The following MCC variants were observed in gnomAD, a reference collection of about 807,000 sequenced individuals.
MCC encodes the protein MCC regulator of Wnt signaling pathway, also known as colorectal mutant cancer protein.
MCC carries 90 observed loss-of-function variants against 116.2 expected under a neutral mutation model. The observed-to-expected ratio is 0.77, with a 90% CI of 0.65 to 0.92. MCC has a LOEUF of 0.92. Among genes scored for constraint, MCC ranks in the 40% least tolerant of loss-of-function variants. MCC has a pLI of 0.00. For missense variants in MCC, 1,516 were observed against 1,312.2 expected, an observed-to-expected ratio of 1.16 and a Z score of -2.40; for synonymous variants, 578 against 510.5, an observed-to-expected ratio of 1.13 and a Z score of -1.78.
intron 2 of MCC, among the ~76,000 whole-genome samples, chr5:113,343,387 C>A (rs1768057690): frequency 6.6e-6 from 1 of 152,210 alleles, no homozygotes; most frequent in Non-Finnish European, 1.5e-5. Context: ...TATTGCAAGG[C>A]AGGTTCTTCT....
chr5:113,277,016 C>G (rs1765856220), intron 3 of MCC, among the ~76,000 whole-genome samples: 1 of 151,758 alleles, frequency 6.6e-6, no homozygotes, highest in African/African-American at 2.4e-5. Flanking sequence ...CTTTAAAACT[C>G]AAGTATGATC....
At chr5:113,340,831 C>T in intron 2 of MCC, 101 bp from the exon 3 acceptor site, 1 of 891,828 alleles carries the variant, frequency 1.1e-6, no homozygotes, top group Non-Finnish European at 1.7e-6. Flanking sequence ...CTTCCATGTG[C>T]CAGCATCTCA....
intron 14 of MCC, among the ~76,000 whole-genome samples, chr5:113,055,629 G>A (rs1752782201): frequency 6.6e-6 from 1 of 152,174 alleles, no homozygotes; most frequent in Non-Finnish European, 1.5e-5. Flanking sequence ...AGGACGGGTG[G>A]GAAGTCCCTT....
intron 2 of MCC, among the ~76,000 whole-genome samples, chr5:113,361,250 T>TC (rs1768540133): frequency 8.4e-6 from 1 of 118,950 alleles, no homozygotes; most frequent in Non-Finnish European, 1.7e-5. Flanking sequence ...ATCAATTTCA[T>TC]AAATCTTTAA....
chr5:113,458,355 T>C (rs6594720), intron 1 of MCC, among the ~76,000 whole-genome samples: 48,142 of 150,072 alleles, frequency 0.32, 9,520 homozygotes, highest in African/African-American at 0.55. Flanking sequence ...GTAACACTCA[T>C]GGCGAAGGTC....
intron 3 of MCC, among the ~76,000 whole-genome samples, chr5:113,175,608 C>A (rs1252940589): frequency 6.6e-6 from 1 of 151,926 alleles, no homozygotes; most frequent in Non-Finnish European, 1.5e-5. Flanking sequence ...ATGTATTTCA[C>A]TTTTGAAAGC....
chr5:113,225,345 T>G (rs1377411831), intron 3 of MCC, among the ~76,000 whole-genome samples: 1 of 152,224 alleles, frequency 6.6e-6, no homozygotes, highest in African/African-American at 2.4e-5. Context: ...AGTCATCACT[T>G]GAATTCTGCC....
At chr5:113,050,265 C>T (rs936373675) in intron 15 of MCC, among the ~76,000 whole-genome samples, 16 of 152,166 alleles carry the variant, frequency 1.1e-4, no homozygotes, top group South Asian at 2.1e-4. Context: ...AAGGTGAGCC[C>T]ACGCATGACT....
chr5:113,425,983 C>T (rs17135616), intron 1 of MCC, among the ~76,000 whole-genome samples: 27,991 of 151,922 alleles, frequency 0.18, 3,076 homozygotes, highest in Admixed American at 0.31. Context: ...GGGCGGAACC[C>T]AGGCAGAAGC....
chr5:113,132,055 T>C (rs568514732), intron 5 of MCC, among the ~76,000 whole-genome samples: 2 of 152,248 alleles, frequency 1.3e-5, no homozygotes, highest in African/African-American at 4.8e-5. Context: ...AGATCCAAAG[T>C]ACCATGATTT....
rs1432198740 is a variant in MCC at position 113,434,179 on chromosome 5, T to C, written c.171-48967A>G. ...TTCTGGATACGCAGCATCTTCTTGATGTTGGAGTCGTCGTAGGGCATGGAG... is the reference window on the plus strand; with the variant it reads ...TTCTGGATACGCAGCATCTTCTTGACGTTGGAGTCGTCGTAGGGCATGGAG... On this transcript the variant is annotated intron_variant, in intron 1 of 18. Coordinates refer to ENST00000408903, the MANE Select transcript of MCC (RefSeq NM_001085377.2). This position sits in a 1 kb window ranked among gnomAD's most constrained non-coding sequence, Gnocchi z 4.2. The C allele has an allele frequency of 2.5e-6, 4 of 1,614,130 alleles. No homozygotes were observed. Among genetic ancestry groups the C allele is most frequent in the Non-Finnish European group, 2.5e-6 (3 of 1,179,986 alleles).
rs938898559 is a variant in MCC at position 113,184,380 on chromosome 5, T to C, written c.628-32958A>G. Among the ~76,000 whole-genome samples the C allele has an allele frequency of 3.3e-5, 5 of 152,158 alleles. No homozygotes were observed. The South Asian group carries it at 6.2e-4, about 19-fold the overall frequency. ...TGGTTTGGATGGGTTAGAAAGATGC[T>C]GGAAGAAAAATTAGACCAACTTGTA... is the stretch of plus-strand genomic sequence containing the variant. On this transcript the variant is annotated intron_variant, in intron 3 of 18. Transcript: ENST00000408903.
chr5:113,446,343 C>T (rs1368793799), intron 1 of MCC, among the ~76,000 whole-genome samples: 1 of 152,166 alleles, frequency 6.6e-6, no homozygotes, highest in Non-Finnish European at 1.5e-5. Flanking sequence ...TATCTGTAAA[C>T]TATGCCTCTG....
At chr5:113,291,402 T>C (rs1405842034) in intron 3 of MCC, among the ~76,000 whole-genome samples, 1 of 152,212 alleles carries the variant, frequency 6.6e-6, no homozygotes, top group Non-Finnish European at 1.5e-5. Flanking sequence ...GTTCAGGATG[T>C]TACAGAGTCA....
At position 113,143,235 on chromosome 5, in the gene MCC, C is replaced by T. The variant is rs766357530; in HGVS notation, c.867G>A (p.Leu289=). 4.4e-6 allele frequency: 7 copies of T among 1,606,970 alleles called. No homozygotes were observed. The highest frequency in any genetic ancestry group is 5.9e-6 in the Non-Finnish European group (7 of 1,177,320). ...CCGCGTACCTGATGGTGGTGCCTTG[C>T]AGACGGTCTATCTTCTTGTTGAGCT... ...IAELNKKIDR[L]QGTTIREEDE... is the part of the protein sequence containing the mutation. Residue 289 remains leucine, a synonymous_variant, in exon 5 of 19, where the codon CTG becomes CTA. Coordinates refer to ENST00000408903, the MANE Select transcript of MCC (RefSeq NM_001085377.2).
chr5:113,165,574 C>A (rs949940911), intron 3 of MCC, among the ~76,000 whole-genome samples: 1 of 152,202 alleles, frequency 6.6e-6, no homozygotes, highest in Admixed American at 6.5e-5. Flanking sequence ...ACCCTTCTGC[C>A]GTTACAGGGA....
chr5:113,059,953 C>T (rs1441476664), intron 14 of MCC, among the ~76,000 whole-genome samples: 1 of 152,214 alleles, frequency 6.6e-6, no homozygotes, highest in Non-Finnish European at 1.5e-5. Context: ...CCTCTGTCCT[C>T]AAGACAGTCC....
chr5:113,393,474 C>G (rs1476712961), intron 1 of MCC, among the ~76,000 whole-genome samples: 1 of 152,114 alleles, frequency 6.6e-6, no homozygotes, highest in East Asian at 1.9e-4. Context: ...CATTTTGGAA[C>G]TTTTGTTCAT....
chr5:113,433,604 G>T, intron 1 of MCC: 4 of 1,182,014 alleles, frequency 3.4e-6, no homozygotes, highest in Non-Finnish European at 3.5e-6. Flanking sequence ...CAAGTTCAAG[G>T]GGAGAGAGAA....
Sources: gnomAD v4.1 joint callset for allele counts (sites outside exome capture counted in the v4.1 genomes callset) on GRCh38, gnomAD v4.1.1 for gene constraint, Gnocchi (gnomAD v3.1) non-coding constraint, MANE v1.5 for transcripts, NCBI Gene and HGNC (gene_info 2026-07-23, HGNC 2026-07-21) for gene names.